Variants in WNT7B observed in about 807,000 individuals in gnomAD.
WNT7B encodes the protein Wnt family member 7B.
Under a neutral mutation model 38.2 loss-of-function variants are expected in WNT7B, and 19 were observed. That is an observed-to-expected ratio of 0.50 (90% CI 0.35 to 0.73). The LOEUF is 0.73. Among genes scored for constraint, WNT7B ranks in the 30% least tolerant of loss-of-function variants. WNT7B has a pLI of 0.01. For missense variants in WNT7B, 423 were observed against 507.9 expected (o/e 0.83, Z 1.61); for synonymous variants, 243 against 209.3 (o/e 1.16, Z -1.39).
At position 45,966,560 on chromosome 22, in the gene WNT7B, G is replaced by T. The variant is rs1932316490; in HGVS notation, c.71+10124C>A. ...ACTCGGGCTCTTCTCCGTTGCTGCT[G>T]ACACCCGGCAAGCTGCTCGTCGGGT... On this transcript the variant is annotated intron_variant, in intron 1 of 3. Coordinates refer to ENST00000339464, the MANE Select transcript of WNT7B (RefSeq NM_058238.3). The surrounding 1 kb of genome is among the most constrained non-coding windows in gnomAD (Gnocchi z 4.2). Among the ~76,000 whole-genome samples the T allele has an allele frequency of 6.6e-6, 1 of 152,222 alleles. No individual in the cohort carries two copies. Among genetic ancestry groups the T allele is most frequent in the Non-Finnish European group, 1.5e-5 (1 of 68,036 alleles).
intron 1 of WNT7B, among the ~76,000 whole-genome samples, chr22:45,959,568 C>T (rs1932148970): frequency 6.6e-6 from 1 of 152,162 alleles, no homozygotes. Context: ...CAGGCACCTC[C>T]ACCTCAGTAT....
In WNT7B at chr22:45,955,200, C is replaced by G. The variant is rs201173441; in HGVS notation, c.72-5054G>C. ...TGCCCCGGGCACTGTCCAGTCTGAC[C>G]CCTGCCCTCCCCGAGCCGGCCTGGC... On this transcript the variant is annotated intron_variant, in intron 1 of 3. Coordinates refer to ENST00000339464, the MANE Select transcript of WNT7B (RefSeq NM_058238.3). Among the ~76,000 whole-genome samples, 83 of 152,354 alleles carry G rather than the reference C, an allele frequency of 5.4e-4. 2 individuals are homozygous for G. In the East Asian group the frequency reaches 0.016, roughly 29 times the overall value.
At chr22:45,936,150 C>T in intron 2 of WNT7B, 1 of 985,470 alleles carries the variant, frequency 1.0e-6, no homozygotes, top group Non-Finnish European at 1.2e-6. Flanking sequence ...AGCCCTGCGG[C>T]AGGATTCACT....
chr22:45,946,558 C>T (rs917342410), intron 2 of WNT7B, among the ~76,000 whole-genome samples: 9 of 152,178 alleles, frequency 5.9e-5, no homozygotes, highest in Non-Finnish European at 1.2e-4. Flanking sequence ...ACAGAAGACA[C>T]AAGAGACAAG....
intron 2 of WNT7B, among the ~76,000 whole-genome samples, chr22:45,933,450 G>A (rs73444580): frequency 0.018 from 2,679 of 152,264 alleles, 71 homozygotes; most frequent in African/African-American, 0.061. Context: ...AAGATGATGC[G>A]AAGGGAAGCC....
At chr22:45,934,800 T>A (rs1178912754) in intron 2 of WNT7B, among the ~76,000 whole-genome samples, 6 of 152,240 alleles carry the variant, frequency 3.9e-5, no homozygotes, top group Non-Finnish European at 8.8e-5. Context: ...TATTTGCTTT[T>A]AATGAGCCAA....
At chr22:45,955,273 C>T (rs954779464) in intron 1 of WNT7B, among the ~76,000 whole-genome samples, 7 of 152,214 alleles carry the variant, frequency 4.6e-5, no homozygotes, top group African/African-American at 9.6e-5. Flanking sequence ...CACATGGAGG[C>T]GAGGGGGCTG....
intron 1 of WNT7B, among the ~76,000 whole-genome samples, chr22:45,973,248 A>G (rs1932489711): frequency 6.6e-6 from 1 of 152,080 alleles, no homozygotes; most frequent in African/African-American, 2.4e-5. Flanking sequence ...AGTTCCTTTT[A>G]TTTTTTGTTT....
rs1569106980 is a variant in WNT7B, at chr22:45,920,744, AT to A, written c.*2111del. 1.6e-5 allele frequency: 1 copy of A among 60,844 alleles called. No homozygotes were observed. The highest frequency in any genetic ancestry group is 3.2e-5 in the Non-Finnish European group (1 of 31,532). The allele number at this position is 60,844 out of a possible 1,614,324, so 3.8% of individuals were successfully genotyped here. ...GATGAGGGATGAGATGAGGGATGGG[AT>A]GGGATGGGGGATGAGGGATGGGGGC... On this transcript the variant is annotated 3_prime_UTR_variant, in exon 4 of 4. Transcript: ENST00000339464.
chr22:45,932,892 T>C (rs1389945458), intron 2 of WNT7B, among the ~76,000 whole-genome samples: 1 of 152,212 alleles, frequency 6.6e-6, no homozygotes, highest in Non-Finnish European at 1.5e-5. Flanking sequence ...CAGCCCTCAG[T>C]TGCCCACTGC....
chr22:45,934,067 C>T (rs566501983), intron 2 of WNT7B, among the ~76,000 whole-genome samples: 23 of 152,378 alleles, frequency 1.5e-4, no homozygotes, highest in Admixed American at 5.9e-4. Flanking sequence ...CCCTCACATG[C>T]GCTCCCATTT....
chr22:45,926,400 G>T lies in WNT7B; in HGVS notation c.571-3065C>A, dbSNP rs570688884. 2.3e-5 allele frequency: 23 copies of T among 985,310 alleles called. No homozygotes were observed. The South Asian group carries it at 8.0e-4, about 34-fold the overall frequency. The allele number at this position is 985,310 out of a possible 1,614,324, so 61.0% of individuals were successfully genotyped here. A position where few individuals can be genotyped will look rare whatever the true frequency, so the allele number is the denominator to read the frequency against. On this transcript the variant is annotated intron_variant, in intron 3 of 3. Coordinates refer to ENST00000339464, the MANE Select transcript of WNT7B (RefSeq NM_058238.3). ...GCTGGGGGCCTGGTTGGGCAGGGGGGTGGTGGACTGAGGGGGCTCCAGGAA... is the reference window on the plus strand; with the variant it reads ...GCTGGGGGCCTGGTTGGGCAGGGGGTTGGTGGACTGAGGGGGCTCCAGGAA...
At chr22:45,950,553 G>A (rs117566015) in intron 1 of WNT7B, among the ~76,000 whole-genome samples, 52 of 152,340 alleles carry the variant, frequency 3.4e-4, no homozygotes, top group Middle Eastern at 6.8e-3. Context: ...CCAACTCCCC[G>A]ACCAATGGGG....
At chr22:45,934,392 TG>T (rs1260003593) in intron 2 of WNT7B, among the ~76,000 whole-genome samples, 1 of 152,112 alleles carries the variant, frequency 6.6e-6, no homozygotes, top group Non-Finnish European at 1.5e-5. Flanking sequence ...AGGCAGGCTC[TG>T]GGTAGGAGCT....
chr22:45,976,891 G>T lies in WNT7B; in HGVS notation c.-137C>A. 9 of 1,001,884 alleles carry T rather than the reference G, an allele frequency of 9.0e-6. No homozygotes were observed. The highest frequency in any genetic ancestry group is 1.1e-5 in the Non-Finnish European group (9 of 839,456). The allele number at this position is 1,001,884 out of a possible 1,614,324, so 62.1% of individuals were successfully genotyped here. ...CTGCGGCTCGGGCGGCCGGCGACGC[G>T]CGGGCACTCGGCGCGCGCTGCCACC... On this transcript the variant is annotated 5_prime_UTR_variant, in exon 1 of 4. Transcript: ENST00000339464. This position sits in a 1 kb window ranked among gnomAD's most constrained non-coding sequence, Gnocchi z 8.5.
intron 3 of WNT7B, among the ~76,000 whole-genome samples, chr22:45,929,788 C>T (rs151216981): frequency 6.3e-4 from 94 of 149,184 alleles, no homozygotes; most frequent in East Asian, 3.4e-3. Context: ...ATCCACCCAC[C>T]GATCCACTCA....
intron 1 of WNT7B, among the ~76,000 whole-genome samples, chr22:45,973,754 C>T (rs1932499429): frequency 1.3e-5 from 2 of 152,210 alleles, no homozygotes. Flanking sequence ...TGCATTTGTT[C>T]TTAGGGCCCT....
At chr22:45,944,059 A>C (rs1931736645) in intron 2 of WNT7B, among the ~76,000 whole-genome samples, 1 of 152,104 alleles carries the variant, frequency 6.6e-6, no homozygotes, top group South Asian at 2.1e-4. Flanking sequence ...GCCCCTCATG[A>C]GGCAGGTGGG....
intron 2 of WNT7B, among the ~76,000 whole-genome samples, chr22:45,949,187 G>A (rs569616632): frequency 1.3e-4 from 20 of 152,272 alleles, no homozygotes; most frequent in Admixed American, 1.2e-3. Context: ...TGTAAAATGG[G>A]CATGATGAAG....
Sources: gnomAD v4.1 joint callset for allele counts (sites outside exome capture counted in the v4.1 genomes callset) on GRCh38, gnomAD v4.1.1 for gene constraint, Gnocchi (gnomAD v3.1) non-coding constraint, MANE v1.5 for transcripts, NCBI Gene and HGNC (gene_info 2026-07-23, HGNC 2026-07-21) for gene names.